The following SPECC1 variants were observed in gnomAD, a reference collection of about 807,000 sequenced individuals.
SPECC1 encodes the protein sperm antigen with calponin homology and coiled-coil domains 1, also known as cytospin-B.
Under a neutral mutation model 104.1 loss-of-function variants are expected in SPECC1, and 62 were observed. That is an observed-to-expected ratio of 0.60 (90% CI 0.49 to 0.74). The LOEUF is 0.74. SPECC1 is among the 30% of genes least tolerant of loss of function. The pLI, the probability that SPECC1 is intolerant of heterozygous loss-of-function variation, is 0.00. For synonymous variants in SPECC1, 513 were observed against 501.6 expected, an observed-to-expected ratio of 1.02 and a Z score of -0.30; for missense variants, 1,306 against 1,310.5, an observed-to-expected ratio of 1.00 and a Z score of 0.05.
In SPECC1 at chr17:20,315,604, C is replaced by G. The variant is rs982390927; in HGVS notation, c.*1539C>G. The G allele has an allele frequency of 8.6e-6, 2 of 232,552 alleles. No individual in the cohort carries two copies. The highest frequency in any genetic ancestry group is 5.6e-5 in the Admixed American group (1 of 17,732). 14.4% of individuals were successfully genotyped at this position (232,552 alleles called of 1,614,324 possible). ...CCGAGAATGACAGTGACTGCCATTA[C>G]TATTCAAAGTACATCTCTGATTGCT... On this transcript the variant is annotated 3_prime_UTR_variant, in exon 15 of 15. Coordinates refer to ENST00000395527, the MANE Select transcript of SPECC1 (RefSeq NM_001243439.2).
chr17:20,262,480 C>G (rs1483660787), intron 12 of SPECC1, among the ~76,000 whole-genome samples: 2 of 152,174 alleles, frequency 1.3e-5, no homozygotes, highest in Admixed American at 6.5e-5. Flanking sequence ...TCTTTTTACT[C>G]AAGGTCATGT....
intron 1 of SPECC1, among the ~76,000 whole-genome samples, chr17:20,018,505 C>T (rs1204662512): frequency 1.3e-5 from 2 of 152,186 alleles, no homozygotes; most frequent in Non-Finnish European, 2.9e-5. Context: ...GTCCTCCTGC[C>T]TCGGCCTCCC....
chr17:20,118,074 C>T lies in SPECC1; in HGVS notation c.283+7512C>T, dbSNP rs142284314. Among the ~76,000 whole-genome samples the T allele has an allele frequency of 6.5e-3, 983 of 151,860 alleles. 11 individuals carry two copies. Among genetic ancestry groups the T allele is most frequent in the African/African-American group, 0.023 (934 of 41,402 alleles). ...GAACTGAAATCATGCCACTGCACTC[C>T]GGCCTGGGCAACAGTGAGACCCTGT... On this transcript the variant is annotated intron_variant, in intron 3 of 14. Transcript: ENST00000395527.
intron 12 of SPECC1, among the ~76,000 whole-genome samples, chr17:20,284,219 A>G (rs1486264631): frequency 1.3e-5 from 2 of 152,226 alleles, no homozygotes; most frequent in African/African-American, 4.8e-5. Flanking sequence ...GCCTGGGAAC[A>G]ATATCCACTT....
chr17:20,156,051 G>A (rs2032460146), intron 3 of SPECC1: 7 of 1,284,570 alleles, frequency 5.4e-6, no homozygotes, highest in Non-Finnish European at 5.9e-6. Flanking sequence ...GGCAGCTGCT[G>A]GGAACTGGAA....
intron 1 of SPECC1, among the ~76,000 whole-genome samples, chr17:20,049,380 GC>G (rs1567812325): frequency 2.0e-5 from 3 of 151,956 alleles, no homozygotes; most frequent in African/African-American, 7.3e-5. Context: ...AGGAGTTTGA[GC>G]CTAACCTGGG....
rs201613054 is a variant in SPECC1, at chr17:20,193,514, TG to T, written c.284-10818del. Among the ~76,000 whole-genome samples, 445 of 152,292 alleles carry T rather than the reference TG, an allele frequency of 2.9e-3. 17 individuals are homozygous for T. The East Asian group carries it at 0.083, about 28-fold the overall frequency. On this transcript the variant is annotated intron_variant, in intron 3 of 14. Transcript: ENST00000395527. ...ACTCCTTCAGGCTGAATAGAGGTGA[TG>T]ATATTCCTGCCTGACTATTAGGGTC...
intron 1 of SPECC1, chr17:20,017,389 C>T (rs1442711005): frequency 3.3e-5 from 5 of 153,224 alleles, no homozygotes; most frequent in African/African-American, 1.2e-4. Flanking sequence ...CAGCTTCACT[C>T]CTGAGTCAGC....
intron 3 of SPECC1, among the ~76,000 whole-genome samples, chr17:20,154,167 G>A (rs905062098): frequency 1.3e-5 from 2 of 152,144 alleles, no homozygotes; most frequent in Non-Finnish European, 2.9e-5. Context: ...TCATTCATTT[G>A]TTCCGAGTCT....
At chr17:20,083,883 G>A (rs1486570853) in intron 1 of SPECC1, among the ~76,000 whole-genome samples, 4 of 152,160 alleles carry the variant, frequency 2.6e-5, no homozygotes, top group Admixed American at 2.6e-4. Context: ...ATCCTTGCCA[G>A]CACTTGATAC....
rs1433233150 is a variant in SPECC1, at chr17:20,205,303, A to T, written c.1254A>T (p.Glu418Asp). 1 of 1,614,254 alleles carries T rather than the reference A, an allele frequency of 6.2e-7. No individual in the cohort carries two copies. The highest frequency in any genetic ancestry group is 1.1e-5 in the South Asian group (1 of 91,088). ...CTGAAAATGAGAAGCTGGTGGATGA[A>T]AAGACGATTTTAGAGACATCCTTTC... is the stretch of plus-strand genomic sequence containing the variant. The part of the protein sequence containing the change: ...LTAENEKLVD[E>D]KTILETSFHQ... The change falls in exon 4 of 15, where the codon GAA becomes GAT. Residue 418 changes from glutamate (E) to aspartate (D), a missense_variant. Around this residue, in one of 2 missense-constraint regions of SPECC1, gnomAD observed 1,177 missense variants for 1,139.9 expected, o/e 1.03. Coordinates refer to ENST00000395527, the MANE Select transcript of SPECC1 (RefSeq NM_001243439.2).
intron 4 of SPECC1, among the ~76,000 whole-genome samples, chr17:20,221,841 A>G (rs954408534): frequency 2.6e-5 from 4 of 151,750 alleles, no homozygotes; most frequent in African/African-American, 4.8e-5. Flanking sequence ...TTGTGTTTCC[A>G]TTTTCATTTG....
intron 13 of SPECC1, among the ~76,000 whole-genome samples, chr17:20,299,765 G>A (rs1203186784): frequency 6.6e-6 from 1 of 152,120 alleles, no homozygotes; most frequent in Non-Finnish European, 1.5e-5. Context: ...CATTCTGGGG[G>A]AAAGATTGTA....
At chr17:20,126,785 T>C (rs1253534253) in intron 3 of SPECC1, among the ~76,000 whole-genome samples, 2 of 152,262 alleles carry the variant, frequency 1.3e-5, no homozygotes, top group African/African-American at 4.8e-5. Flanking sequence ...TGATTAAATA[T>C]GATGCAGAAA....
intron 1 of SPECC1, among the ~76,000 whole-genome samples, chr17:20,060,466 G>A (rs2046143301): frequency 1.3e-5 from 2 of 152,214 alleles, no homozygotes; most frequent in Admixed American, 6.5e-5. Context: ...GGGTAACACA[G>A]TGAGACTCCG....
At chr17:20,030,136 G>A (rs2044751767) in intron 1 of SPECC1, among the ~76,000 whole-genome samples, 1 of 152,058 alleles carries the variant, frequency 6.6e-6, no homozygotes, top group African/African-American at 2.4e-5. Flanking sequence ...TCAATTTGTG[G>A]TAGTTTGTTA....
rs533707980 is a variant in SPECC1 at position 20,106,046 on chromosome 17, A to G, written c.148-4381A>G. ...TTTGAGTCAGACTTGCAGATTTTAGAAATGTCAGAGAATCAGATAGGGGAA... is the reference window on the plus strand; with the variant it reads ...TTTGAGTCAGACTTGCAGATTTTAGGAATGTCAGAGAATCAGATAGGGGAA... On this transcript the variant is annotated intron_variant, in intron 2 of 14. Transcript: ENST00000395527. 1.2e-4 allele frequency among the ~76,000 whole-genome samples: 19 copies of G among 152,332 alleles called. No homozygotes were observed. The South Asian group carries it at 3.9e-3, about 32-fold the overall frequency.
chr17:20,022,952 ATTCT>A (rs2044453001), intron 1 of SPECC1, among the ~76,000 whole-genome samples: 1 of 152,210 alleles, frequency 6.6e-6, no homozygotes, highest in African/African-American at 2.4e-5. Flanking sequence ...CTGTGTGCAC[ATTCT>A]TTCAGCAGTA....
chr17:20,313,934 T>C (rs1567628613), intron 14 of SPECC1, 42 bp from the exon 15 acceptor site: 2 of 1,583,302 alleles, frequency 1.3e-6, no homozygotes, highest in Admixed American at 1.7e-5. Context: ...GGGTCTGTGA[T>C]GTCCTGCCTT....
Sources: gnomAD v4.1 joint callset for allele counts (sites outside exome capture counted in the v4.1 genomes callset) on GRCh38, gnomAD v4.1.1 for gene constraint, gnomAD v4.1.1 regional missense constraint, MANE v1.5 for transcripts, NCBI Gene and HGNC (gene_info 2026-07-23, HGNC 2026-07-21) for gene names.